The following C11orf65 variants were observed in gnomAD, a reference collection of about 807,000 sequenced individuals.
C11orf65 encodes chromosome 11 open reading frame 65.
A neutral mutation model predicts 35.3 loss-of-function variants in C11orf65; 38 were observed. The observed-to-expected ratio is 1.08, with a 90% CI of 0.83 to 1.41. The LOEUF (loss-of-function observed/expected upper bound fraction) is 1.41, where lower values mean the gene tolerates loss of function less well. Ranked by LOEUF, C11orf65 falls within the 40% of genes most tolerant of loss-of-function variation. The pLI is 0.00. For synonymous variants in C11orf65, 105 were observed against 114.4 expected (o/e 0.92, Z 0.53); for missense variants, 370 against 367.1 (o/e 1.01, Z -0.06).
intron 3 of C11orf65, among the ~76,000 whole-genome samples, chr11:108,430,386 G>A (rs1459252176): frequency 1.0e-4 from 15 of 149,378 alleles, no homozygotes; most frequent in South Asian, 2.1e-4. Context: ...TGATCCGCCC[G>A]CCTCGGCCTC....
intron 6 of C11orf65, among the ~76,000 whole-genome samples, chr11:108,316,605 T>A (rs529914158): frequency 6.6e-6 from 1 of 152,068 alleles, no homozygotes; most frequent in Non-Finnish European, 1.5e-5. Flanking sequence ...TAAACGATAT[T>A]TTGGGATTAA....
chr11:108,335,004 T>C lies in C11orf65; in HGVS notation c.299+216A>G, dbSNP rs876660435. On this transcript the variant is annotated intron_variant, in intron 3 of 3. Coordinates refer to the C11orf65 transcript ENST00000524755. ...CAGGAGAATATGGAAATCTGGTGAC[T>C]ATACAGTCATTTAAAGCAGAATTTC... The C allele has an allele frequency of 6.2e-7, 1 of 1,613,748 alleles. No individual in the cohort carries two copies.
downstream of C11orf65, among the ~76,000 whole-genome samples, chr11:108,382,131 C>A (rs2091878546): frequency 6.6e-6 from 1 of 152,188 alleles, no homozygotes; most frequent in South Asian, 2.1e-4. Context: ...ATCTTTACTG[C>A]AACCTCCTGC....
intron 7 of C11orf65, among the ~76,000 whole-genome samples, chr11:108,392,291 C>G (rs1040342149): frequency 2.6e-5 from 4 of 152,130 alleles, no homozygotes; most frequent in Non-Finnish European, 5.9e-5. Context: ...AAGTAATCTG[C>G]TTGGTCTCCC....
intron 2 of C11orf65, among the ~76,000 whole-genome samples, chr11:108,435,519 T>C (rs930223809): frequency 6.6e-6 from 1 of 152,134 alleles, no homozygotes; most frequent in Non-Finnish European, 1.5e-5. Flanking sequence ...CAGGCAGAAT[T>C]GTTAAAGGTC....
At chr11:108,465,945 A>G (rs1487302056) in intron 1 of C11orf65, among the ~76,000 whole-genome samples, 2 of 150,930 alleles carry the variant, frequency 1.3e-5, no homozygotes, top group African/African-American at 4.9e-5. Flanking sequence ...AGATCATGCC[A>G]CTACTCCAGC....
chr11:108,412,684 C>G (rs2092678636), intron 3 of C11orf65, among the ~76,000 whole-genome samples: 1 of 151,960 alleles, frequency 6.6e-6, no homozygotes, highest in South Asian at 2.1e-4. Flanking sequence ...CGGCAGTGAC[C>G]CATTATGACA....
At chr11:108,330,116 A>G, downstream of C11orf65, 2 of 1,400,534 alleles carry the variant, frequency 1.4e-6, no homozygotes, top group Non-Finnish European at 2.0e-6. Flanking sequence ...TGGGATAAAA[A>G]CCCAACTTTT....
At chr11:108,405,377 T>C in intron 6 of C11orf65, 52 bp downstream of exon 6, 1 of 1,581,510 alleles carries the variant, frequency 6.3e-7, no homozygotes. Flanking sequence ...TTCAAATTTG[T>C]TTTTTTCCCA....
chr11:108,436,672 A>G (rs1169485742), intron 2 of C11orf65, among the ~76,000 whole-genome samples: 1 of 152,222 alleles, frequency 6.6e-6, no homozygotes, highest in East Asian at 1.9e-4. Context: ...GACACATCAT[A>G]ATCAAACTGC....
chr11:108,333,831 ACCT>A (rs2086536700), intron 3 of C11orf65: 1 of 1,360,166 alleles, frequency 7.4e-7, no homozygotes, highest in African/African-American at 1.4e-5. Flanking sequence ...TTCCTGCTTG[ACCT>A]TCAATGCTGT....
chr11:108,404,960 G>C (rs2092512732), intron 6 of C11orf65, among the ~76,000 whole-genome samples: 1 of 152,134 alleles, frequency 6.6e-6, no homozygotes, highest in African/African-American at 2.4e-5. Flanking sequence ...TAACAGACCG[G>C]GCCGAAGGCG....
intron 2 of C11orf65, among the ~76,000 whole-genome samples, chr11:108,340,602 A>G (rs2087434666): frequency 6.6e-6 from 1 of 152,210 alleles, no homozygotes; most frequent in African/African-American, 2.4e-5. Flanking sequence ...TGTAGATACT[A>G]GAGTTTAAAC....
Position 108,325,655 on chromosome 11 carries a change from T to A in C11orf65, c.641-16584A>T. ...TGTCATTAAGAGATAGAGATCTCTA[T>A]TAATATATAGTAAAAATAATTGTTT... On this transcript the variant is annotated intron_variant, in intron 6 of 6. Coordinates refer to the C11orf65 transcript ENST00000525729. 3 of 905,754 alleles carry A rather than the reference T, an allele frequency of 3.3e-6. No homozygotes were observed. In the South Asian group the frequency reaches 4.8e-5, roughly 15 times the overall value. 56.1% of individuals were successfully genotyped at this position (905,754 alleles called of 1,614,324 possible).
At chr11:108,424,394 T>C (rs1034394356) in intron 3 of C11orf65, among the ~76,000 whole-genome samples, 3 of 151,974 alleles carry the variant, frequency 2.0e-5, no homozygotes, top group African/African-American at 7.3e-5. Flanking sequence ...CTCCAAGAAA[T>C]ATGGGACTAT....
chr11:108,392,381 T>C (rs1053354674), intron 7 of C11orf65, among the ~76,000 whole-genome samples: 6 of 151,822 alleles, frequency 4.0e-5, no homozygotes, highest in African/African-American at 1.2e-4. Context: ...ATTGGATAGA[T>C]CTATCATATT....
chr11:108,335,234 T>C (rs756459850), exon 3 of C11orf65: 61 of 1,555,006 alleles, frequency 3.9e-5, no homozygotes, highest in Non-Finnish European at 5.0e-5. Flanking sequence ...GAGGAAGATT[T>C]GTAGAGTAGA....
intron 7 of C11orf65, among the ~76,000 whole-genome samples, chr11:108,391,069 T>C (rs1202137896): frequency 6.6e-6 from 1 of 152,140 alleles, no homozygotes; most frequent in African/African-American, 2.4e-5. Context: ...CTGCTTCCTC[T>C]GGCTTCTTTT....
intron 6 of C11orf65, among the ~76,000 whole-genome samples, chr11:108,318,385 A>T (rs559361508): frequency 1.1e-4 from 17 of 151,470 alleles, no homozygotes; most frequent in Non-Finnish European, 1.9e-4. Flanking sequence ...AAAATAAAAA[A>T]AATAATATGC....
Sources: allele counts gnomAD v4.1 joint callset (sites outside exome capture counted in the v4.1 genomes callset), GRCh38; gene constraint gnomAD v4.1.1; transcripts MANE v1.5; gene names NCBI Gene and HGNC (gene_info 2026-07-23, HGNC 2026-07-21).